FBXO8: variants seen among roughly 807,000 people sequenced by gnomAD.
FBXO8 encodes F-box protein 8, also known as F-box only protein 8.
In FBXO8, 15 loss-of-function variants were observed where a neutral mutation model predicts 33.4. The ratio of observed to expected loss-of-function variants is 0.45; its 90% CI spans 0.30 to 0.69. FBXO8 has a LOEUF of 0.69. FBXO8 is among the 30% of genes least tolerant of loss of function. The pLI, the probability that FBXO8 is intolerant of heterozygous loss-of-function variation, is 0.08. For missense variants in FBXO8, 274 were observed against 380.3 expected (o/e 0.72, Z 2.32); for synonymous variants, 132 against 131.5 (o/e 1.00, Z -0.02).
At position 174,274,826 on chromosome 4, in the gene FBXO8, C is replaced by T. The variant is rs767474507; in HGVS notation, c.-9+8584G>A. ...ACTCAAAATGGACCATAGACTTAAA[C>T]GTAAAACATAAAACTATAAAAATTT... On this transcript the variant is annotated intron_variant, in intron 1 of 5. Transcript: ENST00000393674. The surrounding 1 kb of genome is among the most constrained non-coding windows in gnomAD (Gnocchi z 4.0). Among the ~76,000 whole-genome samples the T allele has an allele frequency of 2.6e-5, 4 of 152,082 alleles. No individual in the cohort carries two copies. Among genetic ancestry groups the T allele is most frequent in the East Asian group, 1.9e-4 (1 of 5,200 alleles).
rs1320428352 is a variant in FBXO8 at position 174,283,387 on chromosome 4, A to G, written c.-9+23T>C. On this transcript the variant is annotated intron_variant, in intron 1 of 5. Transcript: ENST00000393674. The surrounding 1 kb of genome is among the most constrained non-coding windows in gnomAD (Gnocchi z 6.7). ...CAGGGAAAAGAGACAAGAGATCTAA[A>G]ATATCTAGGTTGACTCCTGTACCTG... The G allele has an allele frequency of 6.5e-6, 1 of 153,138 alleles. No individual in the cohort carries two copies. The highest frequency in any genetic ancestry group is 1.5e-5 in the Non-Finnish European group (1 of 68,400). The allele number at this position is 153,138 out of a possible 1,614,324, so 9.5% of individuals were successfully genotyped here.
chr4:174,250,337 C>A (rs1736258086), intron 3 of FBXO8, among the ~76,000 whole-genome samples: 1 of 151,974 alleles, frequency 6.6e-6, no homozygotes, highest in African/African-American at 2.4e-5. Flanking sequence ...TTATATAATT[C>A]AACCAAGGGA....
intron 3 of FBXO8, among the ~76,000 whole-genome samples, chr4:174,258,035 T>C (rs1341319098): frequency 6.6e-6 from 1 of 152,038 alleles, no homozygotes; most frequent in Non-Finnish European, 1.5e-5. Flanking sequence ...GCCTGAAAAA[T>C]ATATATTTTA....
At position 174,263,795 on chromosome 4, in the gene FBXO8, A is replaced by G. The variant is rs538804457; in HGVS notation, c.-8-695T>C. On this transcript the variant is annotated intron_variant, in intron 1 of 5. Coordinates refer to ENST00000393674, the MANE Select transcript of FBXO8 (RefSeq NM_012180.3). This position sits in a 1 kb window ranked among gnomAD's most constrained non-coding sequence, Gnocchi z 4.2. ...TTCTAATTCTTCTCCACAAATCCCT[A>G]TGGATTCTTCAGAAGTACCTGGGAA... is the stretch of plus-strand genomic sequence containing the variant. Among the ~76,000 whole-genome samples the G allele has an allele frequency of 2.2e-4, 34 of 152,308 alleles. No homozygotes were observed. Among genetic ancestry groups the G allele is most frequent in the African/African-American group, 7.9e-4 (33 of 41,570 alleles).
rs533222644 is a variant in FBXO8, at chr4:174,262,177, C to T, written c.329+587G>A. ...AAGTAAATAAAAACAACTATTTGTC[C>T]CCTTGCTTTCTAATATTTGCCTACT... On this transcript the variant is annotated intron_variant, in intron 2 of 5. Coordinates refer to ENST00000393674, the MANE Select transcript of FBXO8 (RefSeq NM_012180.3). This position sits in a 1 kb window ranked among gnomAD's most constrained non-coding sequence, Gnocchi z 4.6. Among the ~76,000 whole-genome samples, 4 of 151,938 alleles carry T rather than the reference C, an allele frequency of 2.6e-5. No individual in the cohort carries two copies. In the South Asian group the frequency reaches 6.2e-4, roughly 24 times the overall value.
chr4:174,243,541 A>G (rs887299706), intron 3 of FBXO8, among the ~76,000 whole-genome samples: 1 of 149,432 alleles, frequency 6.7e-6, no homozygotes, highest in Admixed American at 6.7e-5. Flanking sequence ...TTTGCCATTA[A>G]AAGTAATGTC....
In FBXO8 at chr4:174,237,113, A is replaced by C; in HGVS notation, c.*299T>G. The C allele has an allele frequency of 4.1e-6, 1 of 244,058 alleles. No individual in the cohort carries two copies. The highest frequency in any genetic ancestry group is 7.9e-6 in the Non-Finnish European group (1 of 126,128). 15.1% of individuals were successfully genotyped at this position (244,058 alleles called of 1,614,324 possible). A position where few individuals can be genotyped will look rare whatever the true frequency, so the allele number is the denominator to read the frequency against. On this transcript the variant is annotated 3_prime_UTR_variant, in exon 6 of 6. Transcript: ENST00000393674. This position sits in a 1 kb window ranked among gnomAD's most constrained non-coding sequence, Gnocchi z 4.4. ...AAAGTTTTTCAGGCAAATCTAATGCACAAATACACCATCTTTTAGAGTATA... is the reference window on the plus strand; with the variant it reads ...AAAGTTTTTCAGGCAAATCTAATGCCCAAATACACCATCTTTTAGAGTATA...
chr4:174,273,316 T>C lies in FBXO8; in HGVS notation c.-9+10094A>G, dbSNP rs1483721792. ...AAATAAATCAATAATGCCAATGTCA[T>C]AAAAGTTAAAAAAAAAAAAAAGAAA... On this transcript the variant is annotated intron_variant, in intron 1 of 5. Transcript: ENST00000393674. 1.0e-4 allele frequency among the ~76,000 whole-genome samples: 6 copies of C among 59,220 alleles called. 1 individual carries two copies. Among genetic ancestry groups the C allele is most frequent in the Non-Finnish European group, 1.9e-4 (5 of 26,436 alleles). 38.9% of individuals were successfully genotyped at this position (59,220 alleles called of 152,430 possible). A position where few individuals can be genotyped will look rare whatever the true frequency, so the allele number is the denominator to read the frequency against.
chr4:174,282,479 A>G (rs1737132438), intron 1 of FBXO8, among the ~76,000 whole-genome samples: 1 of 152,168 alleles, frequency 6.6e-6, no homozygotes, highest in South Asian at 2.1e-4. Flanking sequence ...CTAAAGATGA[A>G]TTTCTGACCC....
At chr4:174,273,658 T>G (rs886575355) in intron 1 of FBXO8, among the ~76,000 whole-genome samples, 2 of 152,206 alleles carry the variant, frequency 1.3e-5, no homozygotes, top group African/African-American at 4.8e-5. Flanking sequence ...GTAACGTCTA[T>G]GTCTATACAG....
rs1736601190 is a variant in FBXO8, at chr4:174,262,839, T to C, written c.254A>G (p.Tyr85Cys). ...PPELSFTILS[Y>C]LNATDLCLAS... Reference sequence around the variant, plus strand: ...CAAGCAAAGGTCAGTTGCATTCAGGTAGGACAAGATGGTAAAGCTTAGCTC... The same window carrying C: ...CAAGCAAAGGTCAGTTGCATTCAGGCAGGACAAGATGGTAAAGCTTAGCTC... Residue 85 changes from tyrosine (Y) to cysteine (C), a missense_variant, in exon 2 of 6, where the codon TAC becomes TGC. Coordinates refer to ENST00000393674, the MANE Select transcript of FBXO8 (RefSeq NM_012180.3). The surrounding 1 kb of genome is among the most constrained non-coding windows in gnomAD (Gnocchi z 4.6). The C allele has an allele frequency of 6.2e-7, 1 of 1,614,036 alleles. No homozygotes were observed. Among genetic ancestry groups the C allele is most frequent in the Non-Finnish European group, 8.5e-7 (1 of 1,179,930 alleles).
intron 3 of FBXO8, among the ~76,000 whole-genome samples, chr4:174,258,021 C>T (rs1304071075): frequency 1.3e-5 from 2 of 152,080 alleles, no homozygotes; most frequent in South Asian, 4.1e-4. Context: ...AGCCACTATG[C>T]CTGGCCTGAA....
At position 174,239,143 on chromosome 4, in the gene FBXO8, T is replaced by C. The variant is rs376081880; in HGVS notation, c.623A>G (p.Gln208Arg). The C allele has an allele frequency of 3.1e-6, 5 of 1,595,650 alleles. No individual in the cohort carries two copies. Among genetic ancestry groups the C allele is most frequent in the Non-Finnish European group, 4.3e-6 (5 of 1,169,662 alleles). ...TTCTCTCAGTGCATTTGGCAAGAACTGATTTCTAAAATTATGCAATGTTAC... is the reference window on the plus strand; with the variant it reads ...TTCTCTCAGTGCATTTGGCAAGAACCGATTTCTAAAATTATGCAATGTTAC... Reference protein sequence around the residue: ...DLVTLHNFRNQFLPNALREFF... With the variant: ...DLVTLHNFRNRFLPNALREFF... The change falls in exon 5 of 6, where the codon CAG becomes CGG. Residue 208 changes from glutamine (Q) to arginine (R), a missense_variant. Transcript: ENST00000393674.
chr4:174,242,595 C>T (rs1394732338), intron 3 of FBXO8, among the ~76,000 whole-genome samples: 1 of 151,596 alleles, frequency 6.6e-6, no homozygotes, highest in African/African-American at 2.4e-5. Context: ...TAACGTGAAA[C>T]TTTCTTGTCA....
intron 1 of FBXO8, among the ~76,000 whole-genome samples, chr4:174,268,726 G>A (rs997587267): frequency 7.2e-5 from 11 of 152,270 alleles, no homozygotes; most frequent in Admixed American, 1.3e-4. Context: ...GTGAGCCACC[G>A]CGCCCGGCCG....
In FBXO8 at chr4:174,272,564, C is replaced by G. The variant is rs1736863052; in HGVS notation, c.-8-9464G>C. Among the ~76,000 whole-genome samples the G allele has an allele frequency of 6.6e-6, 1 of 151,882 alleles. No individual in the cohort carries two copies. Among genetic ancestry groups the G allele is most frequent in the African/African-American group, 2.4e-5 (1 of 41,356 alleles). On this transcript the variant is annotated intron_variant, in intron 1 of 5. Coordinates refer to ENST00000393674, the MANE Select transcript of FBXO8 (RefSeq NM_012180.3). The surrounding 1 kb of genome is among the most constrained non-coding windows in gnomAD (Gnocchi z 4.7). ...TCTGTGAGTCTACACTGATGATGATCAATAAAAACATAAAGGAGAAGGAAA... is the reference window on the plus strand; with the variant it reads ...TCTGTGAGTCTACACTGATGATGATGAATAAAAACATAAAGGAGAAGGAAA...
At chr4:174,246,705 C>T (rs1487996193) in intron 3 of FBXO8, among the ~76,000 whole-genome samples, 2 of 151,174 alleles carry the variant, frequency 1.3e-5, no homozygotes, top group African/African-American at 2.4e-5. Context: ...GCAGCAAAGC[C>T]GATAAAAAGA....
Position 174,247,129 on chromosome 4 carries a change from T to G in FBXO8, c.457-5911A>C, listed in dbSNP as rs1357283391. ...AGAGTGAATTCTAGAAAATTAGACA[T>G]GCAAAGCCAAATGAAAAAGTACTGA... On this transcript the variant is annotated intron_variant, in intron 3 of 5. Coordinates refer to ENST00000393674, the MANE Select transcript of FBXO8 (RefSeq NM_012180.3). This position sits in a 1 kb window ranked among gnomAD's most constrained non-coding sequence, Gnocchi z 4.6. Among the ~76,000 whole-genome samples, 1 of 152,018 alleles carries G rather than the reference T, an allele frequency of 6.6e-6. No homozygotes were observed. Among genetic ancestry groups the G allele is most frequent in the African/African-American group, 2.4e-5 (1 of 41,438 alleles).
chr4:174,259,810 A>C lies in FBXO8; in HGVS notation c.345T>G (p.Thr115=). 4 of 1,593,312 alleles carry C rather than the reference A, an allele frequency of 2.5e-6. No homozygotes were observed. The highest frequency in any genetic ancestry group is 3.4e-6 in the Non-Finnish European group (4 of 1,174,580). The change falls in exon 3 of 6, where the codon ACT becomes ACG. Residue 115 remains threonine, a synonymous_variant. Transcript: ENST00000393674. This position sits in a 1 kb window ranked among gnomAD's most constrained non-coding sequence, Gnocchi z 4.3. ...ELLWQGLCKS[T]WGHCSIYNKN... ...TATTGTATATGGAACAGTGACCCCA[A>C]GTGGATTTGCACAACCTATAAAATC... is the stretch of plus-strand genomic sequence containing the variant.
Sources: allele counts gnomAD v4.1 joint callset (sites outside exome capture counted in the v4.1 genomes callset), GRCh38; gene constraint gnomAD v4.1.1; non-coding constraint Gnocchi (gnomAD v3.1); transcripts MANE v1.5; gene names NCBI Gene and HGNC (gene_info 2026-07-23, HGNC 2026-07-21).